AKAP19: variants seen among roughly 807,000 people sequenced by gnomAD.
AKAP19 encodes the protein small A-kinase anchoring protein.
At chr2:190,098,866 C>T in the AKAP19 span, among the ~76,000 whole-genome samples, 3 of 152,206 alleles carry the variant, frequency 2.0e-5, no homozygotes, top group Non-Finnish European at 4.4e-5. Flanking sequence ...TCCCCTTGTA[C>T]TTTTATATTT....
chr2:189,942,206 C>T, the AKAP19 span, among the ~76,000 whole-genome samples: 1 of 152,144 alleles, frequency 6.6e-6, no homozygotes, highest in Non-Finnish European at 1.5e-5. Flanking sequence ...TGGCTTGGTA[C>T]TGTTTTCATG....
At chr2:190,063,024 C>T in the AKAP19 span, among the ~76,000 whole-genome samples, 1 of 152,080 alleles carries the variant, frequency 6.6e-6, no homozygotes, top group Non-Finnish European at 1.5e-5. Context: ...CCTCACACAA[C>T]TCTTATTGTA....
chr2:190,037,594 G>T, the AKAP19 span, among the ~76,000 whole-genome samples: 2 of 152,218 alleles, frequency 1.3e-5, no homozygotes, highest in Non-Finnish European at 2.9e-5. Flanking sequence ...AGCGAGGTAA[G>T]AACAGTTTAA....
At chr2:189,923,865 G>A in the AKAP19 span, 4 of 1,611,186 alleles carry the variant, frequency 2.5e-6, no homozygotes, top group East Asian at 8.9e-5. Context: ...AAGTTGAAAG[G>A]AGATGACCTT....
At chr2:190,014,248 G>C in the AKAP19 span, among the ~76,000 whole-genome samples, 2 of 152,142 alleles carry the variant, frequency 1.3e-5, no homozygotes, top group African/African-American at 4.8e-5. Flanking sequence ...ATTTACAAAG[G>C]AAAAGGGTTT....
chr2:190,114,081 A>G, the AKAP19 span, among the ~76,000 whole-genome samples: 1 of 152,224 alleles, frequency 6.6e-6, no homozygotes, highest in Non-Finnish European at 1.5e-5. Flanking sequence ...GAGTAGGGAA[A>G]ATAGCTAAAG....
chr2:189,908,732 T>A, the AKAP19 span, among the ~76,000 whole-genome samples: 89 of 152,318 alleles, frequency 5.8e-4, no homozygotes, highest in African/African-American at 2.0e-3. Context: ...TGATATGATT[T>A]TCAATTTCCT....
chr2:189,933,838 T>G, the AKAP19 span, among the ~76,000 whole-genome samples: 1 of 152,130 alleles, frequency 6.6e-6, no homozygotes, highest in African/African-American at 2.4e-5. Context: ...TTTGTCACTT[T>G]TGGACTACTT....
At chr2:189,980,412 C>G in the AKAP19 span, among the ~76,000 whole-genome samples, 1 of 152,152 alleles carries the variant, frequency 6.6e-6, no homozygotes, top group Non-Finnish European at 1.5e-5. Flanking sequence ...AATCTCAGCT[C>G]ACTGCAACCT....
the AKAP19 span, among the ~76,000 whole-genome samples, chr2:190,001,617 G>A: frequency 6.6e-5 from 10 of 152,268 alleles, no homozygotes; most frequent in East Asian, 1.9e-3. Context: ...ATCATCTGCA[G>A]AACTTAATAA....
the AKAP19 span, among the ~76,000 whole-genome samples, chr2:190,152,476 A>G: frequency 6.6e-6 from 1 of 152,068 alleles, no homozygotes; most frequent in Non-Finnish European, 1.5e-5. Flanking sequence ...GACTTTTTCT[A>G]CTCTGTTTCA....
At chr2:190,199,345 C>G in the AKAP19 span, among the ~76,000 whole-genome samples, 1 of 152,048 alleles carries the variant, frequency 6.6e-6, no homozygotes, top group Admixed American at 6.5e-5. Flanking sequence ...CATGGCTGTA[C>G]AAAAATAGGT....
At chr2:189,979,197 G>A in the AKAP19 span, among the ~76,000 whole-genome samples, 236 of 152,222 alleles carry the variant, frequency 1.6e-3, 4 homozygotes, top group Admixed American at 5.4e-3. Context: ...CAAGGCTATA[G>A]TAACCAAAAC....
At chr2:190,006,098 G>A in the AKAP19 span, among the ~76,000 whole-genome samples, 14 of 152,288 alleles carry the variant, frequency 9.2e-5, no homozygotes, top group African/African-American at 3.1e-4. Context: ...CATCCAGTGA[G>A]AAGGCAGACG....
chr2:190,094,504 T>C, the AKAP19 span, among the ~76,000 whole-genome samples: 1 of 152,350 alleles, frequency 6.6e-6, no homozygotes, highest in South Asian at 2.1e-4. Flanking sequence ...CCATGCAGCT[T>C]AGGTTTTGCT....
the AKAP19 span, among the ~76,000 whole-genome samples, chr2:190,023,795 G>GTATATATATATA: frequency 4.3e-4 from 62 of 142,824 alleles, no homozygotes; most frequent in African/African-American, 1.4e-3. Flanking sequence ...ATGTGTGTGT[G>GTATATATATATA]TATATATATA....
chr2:190,063,261 A>G, the AKAP19 span, among the ~76,000 whole-genome samples: 2 of 152,128 alleles, frequency 1.3e-5, no homozygotes, highest in Non-Finnish European at 2.9e-5. Context: ...TTCATCTATA[A>G]TTTGAGAAAC....
chr2:190,157,874 CAT>C, the AKAP19 span, among the ~76,000 whole-genome samples: 2 of 152,160 alleles, frequency 1.3e-5, no homozygotes, highest in Non-Finnish European at 2.9e-5. Flanking sequence ...GAGACCCTCT[CAT>C]ATTGTTTTAT....
the AKAP19 span, among the ~76,000 whole-genome samples, chr2:190,099,266 A>C: frequency 6.6e-6 from 1 of 152,188 alleles, no homozygotes; most frequent in African/African-American, 2.4e-5. Context: ...TTTGATTTAA[A>C]GTGAGTCACA....
Sources: gnomAD v4.1 joint callset for allele counts (sites outside exome capture counted in the v4.1 genomes callset) on GRCh38, gnomAD v4.1.1 for gene constraint, MANE v1.5 for transcripts, NCBI Gene and HGNC (gene_info 2026-07-23, HGNC 2026-07-21) for gene names.